Variants in MED15 observed in about 807,000 individuals in gnomAD.
MED15 encodes mediator complex subunit 15.
MED15 carries 41 observed loss-of-function variants against 118.7 expected under a neutral mutation model. The observed-to-expected ratio is 0.35, with a 90% CI of 0.27 to 0.45. The LOEUF is 0.45. Among genes scored for constraint, MED15 ranks in the 20% least tolerant of loss-of-function variants. The probability of loss-of-function intolerance (pLI) is 1.00; values close to 1 mark genes in which losing one functional copy is unlikely to be tolerated. For missense variants in MED15, 740 were observed against 1,025.5 expected (o/e 0.72, Z 3.80); for synonymous variants, 436 against 413.9 (o/e 1.05, Z -0.65).
chr22:20,511,573 C>T (rs2054065352), intron 1 of MED15, among the ~76,000 whole-genome samples: 1 of 152,020 alleles, frequency 6.6e-6, no homozygotes, highest in Non-Finnish European at 1.5e-5. Context: ...TACCAAGAGC[C>T]TAGGGAACAA....
At chr22:20,549,148 G>T (rs1182522842) in intron 2 of MED15, among the ~76,000 whole-genome samples, 1 of 152,186 alleles carries the variant, frequency 6.6e-6, no homozygotes, top group African/African-American at 2.4e-5. Context: ...TAAACTGGAT[G>T]TGTTAGTAGT....
rs544497299 is a variant in MED15, at chr22:20,535,512, G to C, written c.69-1605G>C. On this transcript the variant is annotated intron_variant, in intron 1 of 17. Transcript: ENST00000263205. Reference sequence around the variant, plus strand: ...CCTATTCAATTCACTCAGAGGCAAGGCCCCAGAGCCCTGACATGTTTGCTT... The same window carrying C: ...CCTATTCAATTCACTCAGAGGCAAGCCCCCAGAGCCCTGACATGTTTGCTT... Among the ~76,000 whole-genome samples, 12 of 152,172 alleles carry C rather than the reference G, an allele frequency of 7.9e-5. No individual in the cohort carries two copies. In the East Asian group the frequency reaches 1.7e-3, roughly 22 times the overall value.
chr22:20,564,481 G>GCAGCAGCAGCAACAGCAGCAGTTC lies in MED15; in HGVS notation c.495_518dup (p.Gln167_Gln174dup), dbSNP rs1433709556. On this transcript the variant is annotated inframe_insertion, in exon 6 of 18. Coordinates refer to ENST00000263205, the MANE Select transcript of MED15 (RefSeq NM_001003891.3). ...TGCAGCTCCAGCAGGTGGCGCTGCA[G>GCAGCAGCAGCAACAGCAGCAGTTC]CAGCAGCAGCAACAGCAGCAGTTCC... 6.2e-7 allele frequency: 1 copy of GCAGCAGCAGCAACAGCAGCAGTTC among 1,612,492 alleles called. No individual in the cohort carries two copies. Among genetic ancestry groups the GCAGCAGCAGCAACAGCAGCAGTTC allele is most frequent in the African/African-American group, 1.3e-5 (1 of 75,006 alleles).
chr22:20,582,314 G>A (rs367969806), intron 9 of MED15: 7 of 510,950 alleles, frequency 1.4e-5, no homozygotes, highest in Admixed American at 3.7e-5. Context: ...CTCCCAGACT[G>A]CCCTTTTCCT....
At chr22:20,568,890 TCTTC>T (rs2056539734) in intron 8 of MED15, among the ~76,000 whole-genome samples, 1 of 152,192 alleles carries the variant, frequency 6.6e-6, no homozygotes, top group Non-Finnish European at 1.5e-5. Flanking sequence ...TCATTATCCC[TCTTC>T]CTTGCCACTC....
intron 2 of MED15, among the ~76,000 whole-genome samples, chr22:20,543,559 C>T (rs5750937): frequency 0.84 from 126,117 of 150,078 alleles, 53,232 homozygotes; most frequent in African/African-American, 0.94. Flanking sequence ...AAGCTGAGTC[C>T]TTTTTTTTAT....
At chr22:20,558,112 A>G (rs924614744) in intron 5 of MED15, among the ~76,000 whole-genome samples, 1 of 151,566 alleles carries the variant, frequency 6.6e-6, no homozygotes, top group African/African-American at 2.4e-5. Context: ...CTCAAAAGAA[A>G]AAAGAAAAAG....
In MED15 at chr22:20,535,574, T is replaced by C. The variant is rs938014198; in HGVS notation, c.69-1543T>C. On this transcript the variant is annotated intron_variant, in intron 1 of 17. Coordinates refer to ENST00000263205, the MANE Select transcript of MED15 (RefSeq NM_001003891.3). ...CTTTTGCTTTCTTTCTTTTTTTTTT[T>C]TTTGAGACGGAGTCTCGCACTGTTG... Among the ~76,000 whole-genome samples the C allele has an allele frequency of 2.6e-5, 4 of 151,908 alleles. 1 individual carries two copies. The highest frequency in any genetic ancestry group is 5.9e-5 in the Non-Finnish European group (4 of 67,924).
chr22:20,557,646 G>A (rs1260578490), intron 5 of MED15, among the ~76,000 whole-genome samples: 1 of 152,170 alleles, frequency 6.6e-6, no homozygotes, highest in East Asian at 1.9e-4. Flanking sequence ...GCTCACATGA[G>A]TTGCCTTGTC....
At chr22:20,579,888 C>T (rs1035295790) in intron 9 of MED15, among the ~76,000 whole-genome samples, 5 of 152,260 alleles carry the variant, frequency 3.3e-5, no homozygotes, top group Non-Finnish European at 7.3e-5. Flanking sequence ...GTGTGACATT[C>T]TTGTCCTGGG....
At chr22:20,519,048 T>C (rs1172638269) in intron 1 of MED15, 2 of 343,980 alleles carry the variant, frequency 5.8e-6, no homozygotes, top group Non-Finnish European at 1.1e-5. Context: ...GAGTAAGGGT[T>C]TTGCCATGTT....
intron 1 of MED15, among the ~76,000 whole-genome samples, chr22:20,533,355 G>A (rs1233100064): frequency 1.3e-5 from 2 of 152,182 alleles, no homozygotes; most frequent in Non-Finnish European, 2.9e-5. Flanking sequence ...AGAGTTCCTG[G>A]GTTCTTTTTC....
Position 20,587,284 on chromosome 22 carries a change from G to A in MED15, c.*580G>A, listed in dbSNP as rs2057162906. 1 of 157,170 alleles carries A rather than the reference G, an allele frequency of 6.4e-6. No individual in the cohort carries two copies. Among genetic ancestry groups the A allele is most frequent in the Admixed American group, 6.0e-5 (1 of 16,536 alleles). 9.7% of individuals were successfully genotyped at this position (157,170 alleles called of 1,614,324 possible). On this transcript the variant is annotated 3_prime_UTR_variant, in exon 18 of 18. Coordinates refer to ENST00000263205, the MANE Select transcript of MED15 (RefSeq NM_001003891.3). ...GCTCCCCGCCACCAGCTGGGCCTCAGCCCTCACGGCATTCCTGCTGAGCAC... is the reference window on the plus strand; with the variant it reads ...GCTCCCCGCCACCAGCTGGGCCTCAACCCTCACGGCATTCCTGCTGAGCAC...
At chr22:20,541,128 A>C (rs547797521) in intron 2 of MED15, among the ~76,000 whole-genome samples, 1 of 152,206 alleles carries the variant, frequency 6.6e-6, no homozygotes, top group Non-Finnish European at 1.5e-5. Flanking sequence ...AGTCCCAGCT[A>C]CTCAGGAGGC....
chr22:20,564,055 G>A (rs532396736), intron 5 of MED15, among the ~76,000 whole-genome samples: 1 of 152,288 alleles, frequency 6.6e-6, no homozygotes, highest in African/African-American at 2.4e-5. Flanking sequence ...CACGACATGG[G>A]CGAACTCGTA....
chr22:20,561,403 C>G (rs940800483), intron 5 of MED15, among the ~76,000 whole-genome samples: 1 of 151,982 alleles, frequency 6.6e-6, no homozygotes, highest in African/African-American at 2.4e-5. Context: ...GCCTGTAATC[C>G]CAGCTACTTG....
chr22:20,531,037 G>A (rs530891483), intron 1 of MED15, among the ~76,000 whole-genome samples: 10 of 152,262 alleles, frequency 6.6e-5, no homozygotes, highest in Non-Finnish European at 1.3e-4. Context: ...AGGGCTACCC[G>A]TGAGGTCGGC....
intron 1 of MED15, among the ~76,000 whole-genome samples, chr22:20,511,937 C>T (rs1164091415): frequency 6.7e-6 from 1 of 149,552 alleles, no homozygotes; most frequent in Non-Finnish European, 1.5e-5. Context: ...CTTCTCCTAC[C>T]CCCACCGTGT....
At chr22:20,569,380 C>A (rs906927677) in intron 8 of MED15, among the ~76,000 whole-genome samples, 1 of 152,158 alleles carries the variant, frequency 6.6e-6, no homozygotes, top group East Asian at 1.9e-4. Flanking sequence ...TCGGAAGGGG[C>A]GTTGGCTTTA....
Sources: allele counts gnomAD v4.1 joint callset (sites outside exome capture counted in the v4.1 genomes callset), GRCh38; gene constraint gnomAD v4.1.1; transcripts MANE v1.5; gene names NCBI Gene and HGNC (gene_info 2026-07-23, HGNC 2026-07-21).